LRRTM3: variants seen among roughly 807,000 people sequenced by gnomAD.
LRRTM3 encodes leucine rich repeat transmembrane neuronal 3, also known as leucine-rich repeat transmembrane neuronal protein 3.
Under a neutral mutation model 44.7 loss-of-function variants are expected in LRRTM3, and 24 were observed. The observed-to-expected ratio is 0.54, with a 90% CI of 0.39 to 0.76. LRRTM3 has a LOEUF of 0.76. Ranked by LOEUF, LRRTM3 falls within the 30% of genes least tolerant of loss-of-function variation. The pLI is 0.00. For synonymous variants in LRRTM3, 277 were observed against 278.7 expected (o/e 0.99, Z 0.06); for missense variants, 587 against 702.2 (o/e 0.84, Z 1.85).
chr10:67,031,870 C>A (rs1925626), intron 2 of LRRTM3, among the ~76,000 whole-genome samples: 3,045 of 152,210 alleles, frequency 0.02, 104 homozygotes, highest in African/African-American at 0.069. Flanking sequence ...TTTTATTGGG[C>A]CACAAAACAT....
At chr10:67,034,696 AC>A in intron 2 of LRRTM3, among the ~76,000 whole-genome samples, 1 of 152,272 alleles carries the variant, frequency 6.6e-6, no homozygotes, top group South Asian at 2.1e-4. Flanking sequence ...TAACCACATC[AC>A]CACCCTCCTA....
chr10:66,959,041 C>T (rs1925566), intron 2 of LRRTM3, among the ~76,000 whole-genome samples: 146,877 of 152,132 alleles, frequency 0.97, 71,119 homozygotes, highest in East Asian at 1. Flanking sequence ...TACACATCCC[C>T]ATTGCACAGG....
rs541723461 is a variant in LRRTM3 at position 66,958,548 on chromosome 10, T to C, written c.1536+30096T>C. On this transcript the variant is annotated intron_variant, in intron 2 of 2. Coordinates refer to ENST00000361320, the MANE Select transcript of LRRTM3 (RefSeq NM_178011.5). Reference sequence around the variant, plus strand: ...GCAGCTGGGTTCAGAATTTGCATGTTTCCCAGGCAAAAGAATTCAATAAGT... The same window carrying C: ...GCAGCTGGGTTCAGAATTTGCATGTCTCCCAGGCAAAAGAATTCAATAAGT... Among the ~76,000 whole-genome samples the C allele has an allele frequency of 1.4e-4, 21 of 152,234 alleles. No homozygotes were observed. The South Asian group carries it at 3.5e-3, about 26-fold the overall frequency.
At chr10:66,953,206 T>C (rs1363892525) in intron 2 of LRRTM3, among the ~76,000 whole-genome samples, 1 of 152,210 alleles carries the variant, frequency 6.6e-6, no homozygotes, top group Non-Finnish European at 1.5e-5. Flanking sequence ...TTCTGACTTT[T>C]GTGTAAGCAA....
intron 2 of LRRTM3, among the ~76,000 whole-genome samples, chr10:66,977,201 G>C (rs930675864): frequency 6.6e-6 from 1 of 152,114 alleles, no homozygotes; most frequent in African/African-American, 2.4e-5. Flanking sequence ...CACTTTGGGA[G>C]GCCGAGGCAG....
At chr10:67,075,817 T>C (rs1448422699) in intron 2 of LRRTM3, among the ~76,000 whole-genome samples, 1 of 152,242 alleles carries the variant, frequency 6.6e-6, no homozygotes, top group Non-Finnish European at 1.5e-5. Context: ...TTAAAATGCA[T>C]GATAAGCAAC....
In LRRTM3 at chr10:67,086,006, G is replaced by T. The variant is rs1857289335; in HGVS notation, c.1537-11581G>T. Among the ~76,000 whole-genome samples the T allele has an allele frequency of 2.6e-5, 4 of 151,958 alleles. No homozygotes were observed. In the South Asian group the frequency reaches 8.3e-4, roughly 31 times the overall value. On this transcript the variant is annotated intron_variant, in intron 2 of 2. Transcript: ENST00000361320. Reference sequence around the variant, plus strand: ...CACATAATTCCACCCTAGGAACATGGTGTTTAAAATGGCTTGCTTGTAAAA... The same window carrying T: ...CACATAATTCCACCCTAGGAACATGTTGTTTAAAATGGCTTGCTTGTAAAA...
intron 2 of LRRTM3, among the ~76,000 whole-genome samples, chr10:67,074,034 CTTTTTTTT>C (rs35411851): frequency 9.1e-6 from 1 of 109,436 alleles, no homozygotes. Context: ...CATTTTAACT[CTTTTTTTT>C]TTTTTTTTTT....
chr10:67,050,435 A>T (rs1319182840), intron 2 of LRRTM3, among the ~76,000 whole-genome samples: 3 of 152,214 alleles, frequency 2.0e-5, no homozygotes, highest in Non-Finnish European at 4.4e-5. Flanking sequence ...ATGACTTAAG[A>T]ATATTAGAAA....
intron 2 of LRRTM3, among the ~76,000 whole-genome samples, chr10:67,025,787 C>T (rs1385512094): frequency 1.3e-5 from 2 of 151,778 alleles, no homozygotes; most frequent in Admixed American, 6.6e-5. Flanking sequence ...TACTGATGAT[C>T]GCTATAAAGA....
intron 2 of LRRTM3, among the ~76,000 whole-genome samples, chr10:67,057,869 A>G (rs1273905713): frequency 1.3e-5 from 2 of 152,172 alleles, no homozygotes; most frequent in Non-Finnish European, 2.9e-5. Flanking sequence ...ATGAGAGTTC[A>G]TACTCTACCC....
At chr10:66,967,517 TA>T (rs1300761930) in intron 2 of LRRTM3, among the ~76,000 whole-genome samples, 9 of 151,910 alleles carry the variant, frequency 5.9e-5, no homozygotes, top group Non-Finnish European at 1.3e-4. Flanking sequence ...CCCTCAGCAA[TA>T]CAAGATTTCA....
chr10:66,936,492 G>A (rs1012284140), intron 2 of LRRTM3, among the ~76,000 whole-genome samples: 2 of 151,962 alleles, frequency 1.3e-5, no homozygotes, highest in Admixed American at 6.6e-5. Flanking sequence ...TGGTTGTTCT[G>A]TTTTGTTTCT....
intron 2 of LRRTM3, among the ~76,000 whole-genome samples, chr10:66,997,165 G>C (rs1291046555): frequency 6.6e-6 from 1 of 152,064 alleles, no homozygotes. Context: ...CAAGCATTTG[G>C]CAAAACAACC....
chr10:67,044,350 T>G (rs1218872489), intron 2 of LRRTM3, among the ~76,000 whole-genome samples: 1 of 152,182 alleles, frequency 6.6e-6, no homozygotes, highest in Admixed American at 6.5e-5. Context: ...TTATTTCTCA[T>G]AGGATTTTAA....
At chr10:67,060,937 C>A (rs1023409772) in intron 2 of LRRTM3, among the ~76,000 whole-genome samples, 2 of 152,058 alleles carry the variant, frequency 1.3e-5, no homozygotes, top group African/African-American at 4.8e-5. Context: ...ACTGGTAGAA[C>A]AAACTAAAGC....
chr10:67,026,457 TATAAC>T (rs1365422234), intron 2 of LRRTM3, among the ~76,000 whole-genome samples: 3 of 151,938 alleles, frequency 2.0e-5, no homozygotes, highest in Non-Finnish European at 1.5e-5. Flanking sequence ...AACAAAATAA[TATAAC>T]AAAACAAAAG....
intron 2 of LRRTM3, among the ~76,000 whole-genome samples, chr10:66,990,171 A>C (rs1282207991): frequency 6.6e-6 from 1 of 152,144 alleles, no homozygotes; most frequent in Non-Finnish European, 1.5e-5. Flanking sequence ...TGCTCAGTTG[A>C]ATCTGCTTCA....
chr10:67,034,986 C>T (rs535743972), intron 2 of LRRTM3, among the ~76,000 whole-genome samples: 80 of 152,280 alleles, frequency 5.3e-4, no homozygotes, highest in Middle Eastern at 6.8e-3. Context: ...TCTTGGAAGG[C>T]CCCGTTCAGA....
Sources: gnomAD v4.1 joint callset for allele counts (sites outside exome capture counted in the v4.1 genomes callset) on GRCh38, gnomAD v4.1.1 for gene constraint, MANE v1.5 for transcripts, NCBI Gene and HGNC (gene_info 2026-07-23, HGNC 2026-07-21) for gene names.